HCFC2: variants seen among roughly 807,000 people sequenced by gnomAD.
HCFC2 encodes host cell factor C2, also known as host cell factor 2.
In HCFC2, 18 loss-of-function variants were observed where a neutral mutation model predicts 89.2. That is an observed-to-expected ratio of 0.20 (90% CI 0.14 to 0.30). HCFC2 has a LOEUF of 0.30. Ranked by LOEUF, HCFC2 falls within the 10% of genes least tolerant of loss-of-function variation. The pLI is 1.00. For synonymous variants in HCFC2, 308 were observed against 335.7 expected, an observed-to-expected ratio of 0.92 and a Z score of 0.90; for missense variants, 578 against 956.1, an observed-to-expected ratio of 0.60 and a Z score of 5.21.
intron 3 of HCFC2, among the ~76,000 whole-genome samples, chr12:104,078,245 C>T (rs1883573188): frequency 6.6e-6 from 1 of 152,216 alleles, no homozygotes; most frequent in South Asian, 2.1e-4. Context: ...TCGTGTTCCG[C>T]CCGCCTCAGC....
chr12:104,086,844 T>C lies in HCFC2; in HGVS notation c.1064-3T>C, dbSNP rs1424399182. Reference sequence around the variant, plus strand: ...AATGTATAATATCATGATTGTTCTATAGAGAAACCACCGGCACCATCTCAA... The same window carrying C: ...AATGTATAATATCATGATTGTTCTACAGAGAAACCACCGGCACCATCTCAA... On this transcript the variant is annotated splice_region_variant and splice_polypyrimidine_tract_variant and intron_variant, in intron 7 of 14. Coordinates refer to ENST00000229330, the MANE Select transcript of HCFC2 (RefSeq NM_013320.3). 3.7e-6 allele frequency: 6 copies of C among 1,612,980 alleles called. No individual in the cohort carries two copies. Among genetic ancestry groups the C allele is most frequent in the Non-Finnish European group, 5.1e-6 (6 of 1,179,260 alleles).
At position 104,095,375 on chromosome 12, in the gene HCFC2, C is replaced by T. The variant is rs755840852; in HGVS notation, c.1478C>T (p.Ala493Val). Residue 493 changes from alanine to valine, a missense_variant, in exon 11 of 15, where the codon GCA becomes GTA. By Grantham distance (64) the Ala-to-Val change is moderately conservative. Transcript: ENST00000229330. This position sits in a 1 kb window ranked among gnomAD's most constrained non-coding sequence, Gnocchi z 4.2. ...TTTATTTTAGGTCCTCACACTTCAG[C>T]AAATGTAGGTGTTCTAAGTAGTTGC... ...LRKNEGPHTS[A>V]NVGVLSSCLD... The T allele has an allele frequency of 6.2e-7, 1 of 1,612,672 alleles. No homozygotes were observed. Among genetic ancestry groups the T allele is most frequent in the Non-Finnish European group, 8.5e-7 (1 of 1,178,896 alleles).
At chr12:104,076,957 T>C (rs1883511841) in intron 3 of HCFC2, among the ~76,000 whole-genome samples, 1 of 152,188 alleles carries the variant, frequency 6.6e-6, no homozygotes, top group South Asian at 2.1e-4. Flanking sequence ...CATTTGCATA[T>C]GTATATGTAT....
chr12:104,082,491 G>A lies in HCFC2; in HGVS notation c.768-9G>A. On this transcript the variant is annotated splice_polypyrimidine_tract_variant and intron_variant, in intron 5 of 14. Transcript: ENST00000229330. Reference sequence around the variant, plus strand: ...AGCTACTTTATGTTTTTGTTTTGTTGTTGCTCAGGATGTACATTTTTGGTG... The same window carrying A: ...AGCTACTTTATGTTTTTGTTTTGTTATTGCTCAGGATGTACATTTTTGGTG... 6.5e-7 allele frequency: 1 copy of A among 1,537,560 alleles called. No individual in the cohort carries two copies. The highest frequency in any genetic ancestry group is 2.2e-5 in the East Asian group (1 of 44,498).
intron 9 of HCFC2, among the ~76,000 whole-genome samples, chr12:104,093,025 T>C (rs915605563): frequency 4.6e-5 from 7 of 152,228 alleles, no homozygotes; most frequent in Non-Finnish European, 7.3e-5. Flanking sequence ...AGGATACATG[T>C]CTGCCCTTTA....
At chr12:104,099,190 G>C (rs1884266855) in intron 13 of HCFC2, among the ~76,000 whole-genome samples, 1 of 151,976 alleles carries the variant, frequency 6.6e-6, no homozygotes, top group Non-Finnish European at 1.5e-5. Flanking sequence ...GAGTGGGGAG[G>C]TGCCACACAC....
chr12:104,082,953 A>G (rs1321976042), intron 7 of HCFC2, 52 bp downstream of exon 7: 2 of 1,345,872 alleles, frequency 1.5e-6, no homozygotes, highest in East Asian at 4.6e-5. Flanking sequence ...AAGCACTCAA[A>G]TGTCTGCCTT....
At chr12:104,065,047 C>T (rs1407434785) in intron 1 of HCFC2, 1 of 259,322 alleles carries the variant, frequency 3.9e-6, no homozygotes, top group African/African-American at 2.2e-5. Context: ...TGGGCCACTC[C>T]CCGAAATCTC....
At position 104,105,301 on chromosome 12, in the gene HCFC2, C is replaced by G. The variant is rs187965063; in HGVS notation, c.*2028C>G. On this transcript the variant is annotated 3_prime_UTR_variant, in exon 15 of 15. Coordinates refer to ENST00000229330, the MANE Select transcript of HCFC2 (RefSeq NM_013320.3). ...AAAGTTTGGCTTTTAACCCTTTCTT[C>G]TCTGCATTAATTAACAACGTGCATC... 6.6e-6 allele frequency: 1 copy of G among 152,178 alleles called. No homozygotes were observed. Among genetic ancestry groups the G allele is most frequent in the East Asian group, 1.9e-4 (1 of 5,188 alleles). The allele number at this position is 152,178 out of a possible 1,614,324, so 9.4% of individuals were successfully genotyped here.
intron 8 of HCFC2, among the ~76,000 whole-genome samples, chr12:104,087,469 A>C (rs1336689109): frequency 6.0e-3 from 1 of 166 alleles, no homozygotes; most frequent in East Asian, 0.071. Context: ...ATATATACAT[A>C]TATATATATA....
At chr12:104,071,554 A>G (rs1016303414) in intron 3 of HCFC2, among the ~76,000 whole-genome samples, 9 of 152,256 alleles carry the variant, frequency 5.9e-5, no homozygotes, top group Non-Finnish European at 1.0e-4. Flanking sequence ...ACACATTAAT[A>G]CGATCCTCCA....
chr12:104,094,207 T>G (rs1466343523), intron 10 of HCFC2, among the ~76,000 whole-genome samples: 2 of 152,192 alleles, frequency 1.3e-5, no homozygotes, highest in African/African-American at 4.8e-5. Context: ...AGTCGGATAC[T>G]TAGGCCTGGA....
chr12:104,094,843 C>A (rs1884128588), intron 10 of HCFC2, among the ~76,000 whole-genome samples: 1 of 151,966 alleles, frequency 6.6e-6, no homozygotes, highest in African/African-American at 2.4e-5. Context: ...AATCTGAAAA[C>A]CCTGAAGAGA....
chr12:104,064,838 G>A lies in HCFC2; in HGVS notation c.163+115G>A. 1 of 987,828 alleles carries A rather than the reference G, an allele frequency of 1.0e-6. No homozygotes were observed. Among genetic ancestry groups the A allele is most frequent in the Non-Finnish European group, 1.4e-6 (1 of 729,000 alleles). 61.2% of individuals were successfully genotyped at this position (987,828 alleles called of 1,614,324 possible). ...CACCGCCCGGTCACTGCTTCCTTGG[G>A]CGGGCGGCGGGGAGCGCGGCTCAGC... On this transcript the variant is annotated intron_variant, in intron 1 of 14. Transcript: ENST00000229330. This position sits in a 1 kb window ranked among gnomAD's most constrained non-coding sequence, Gnocchi z 7.3.
intron 7 of HCFC2, 44 bp from the exon 8 acceptor site, chr12:104,086,803 A>G: frequency 6.4e-7 from 1 of 1,568,206 alleles, no homozygotes; most frequent in East Asian, 2.2e-5. Flanking sequence ...CAAACCATTT[A>G]TACACTGGAA....
chr12:104,093,177 G>A (rs1884073633), intron 9 of HCFC2, among the ~76,000 whole-genome samples: 1 of 151,968 alleles, frequency 6.6e-6, no homozygotes, highest in Non-Finnish European at 1.5e-5. Context: ...CTGATCTTTT[G>A]AGCATGGAGA....
chr12:104,095,501 G>C lies in HCFC2; in HGVS notation c.1604G>C (p.Ser535Thr). ...TQQTIKTESSSTNGAVVKDET... is the reference protein window; with the variant it reads ...TQQTIKTESSTTNGAVVKDET... ...CAGACCATTAAAACTGAATCATCCA[G>C]TACAAATGGGGCAGTTGTTAAAGAT... The change falls in exon 11 of 15, where the codon AGT becomes ACT. Residue 535 changes from serine (S) to threonine (T), a missense_variant. This residue lies in a region of HCFC2 where 210 missense variants were observed against 251.7 expected (regional missense o/e 0.83). Transcript: ENST00000229330. The surrounding 1 kb of genome is among the most constrained non-coding windows in gnomAD (Gnocchi z 4.2). 1 of 1,613,684 alleles carries C rather than the reference G, an allele frequency of 6.2e-7. No homozygotes were observed. The highest frequency in any genetic ancestry group is 8.5e-7 in the Non-Finnish European group (1 of 1,179,748).
Position 104,066,171 on chromosome 12 carries a change from G to A in HCFC2, c.168G>A (p.Thr56=), listed in dbSNP as rs754119879. The A allele has an allele frequency of 2.2e-5, 35 of 1,612,224 alleles. No individual in the cohort carries two copies. Among genetic ancestry groups the A allele is most frequent in the African/African-American group, 1.3e-4 (10 of 74,778 alleles). ...ADELHVYNTA[T]NQWFLPAVRG... ...TCATTTTATTTTGGCAACTAGCTAC[G>A]AATCAGTGGTTTCTGCCAGCTGTTA... is the stretch of plus-strand genomic sequence containing the variant. Residue 56 remains threonine, a synonymous_variant, in exon 2 of 15, where the codon ACG becomes ACA. Transcript: ENST00000229330.
chr12:104,096,690 T>C (rs557211165), intron 12 of HCFC2, among the ~76,000 whole-genome samples: 1 of 152,348 alleles, frequency 6.6e-6, no homozygotes, highest in East Asian at 1.9e-4. Context: ...TACTCTCACA[T>C]GTACCCACAC....
Sources: gnomAD v4.1 joint callset for allele counts (sites outside exome capture counted in the v4.1 genomes callset) on GRCh38, gnomAD v4.1.1 for gene constraint, gnomAD v4.1.1 regional missense constraint, Gnocchi (gnomAD v3.1) non-coding constraint, MANE v1.5 for transcripts, NCBI Gene and HGNC (gene_info 2026-07-23, HGNC 2026-07-21) for gene names.